PARD3B: variants seen among roughly 807,000 people sequenced by gnomAD.
The protein encoded by PARD3B is partitioning defective 3 homolog B.
In PARD3B, 103 loss-of-function variants were observed where a neutral mutation model predicts 130.2. The ratio of observed to expected loss-of-function variants is 0.79; its 90% CI spans 0.67 to 0.93. The LOEUF (loss-of-function observed/expected upper bound fraction) is 0.93, where lower values mean the gene tolerates loss of function less well. Ranked by LOEUF, PARD3B falls within the 40% of genes least tolerant of loss-of-function variation. PARD3B has a pLI of 0.00. For missense variants in PARD3B, 1,609 were observed against 1,499.2 expected (o/e 1.07, Z -1.21); for synonymous variants, 583 against 553.2 (o/e 1.05, Z -0.76).
rs1265602959 is a variant in PARD3B at position 205,474,964 on chromosome 2, G to GT, written c.3045-24931dup. Among the ~76,000 whole-genome samples the GT allele has an allele frequency of 2.6e-5, 4 of 152,174 alleles. No individual in the cohort carries two copies. In the East Asian group the frequency reaches 7.7e-4, roughly 29 times the overall value. ...TAGAAGTTTTCAGCTCGCCTCAGCC[G>GT]TGAGTCATTACCAGGAGGAATAGTT... On this transcript the variant is annotated intron_variant, in intron 20 of 22. Coordinates refer to ENST00000406610, the MANE Select transcript of PARD3B (RefSeq NM_001302769.2).
chr2:204,661,233 A>G (rs2035797829), intron 1 of PARD3B, among the ~76,000 whole-genome samples: 1 of 152,190 alleles, frequency 6.6e-6, no homozygotes, highest in Non-Finnish European at 1.5e-5. Context: ...GAATGTCCCC[A>G]GGAAGATTAC....
At chr2:204,899,216 C>T (rs1264028592) in intron 2 of PARD3B, among the ~76,000 whole-genome samples, 3 of 123,522 alleles carry the variant, frequency 2.4e-5, no homozygotes, top group Non-Finnish European at 5.2e-5. Flanking sequence ...CCTTCCCTCC[C>T]CTCCTTCCCT....
intron 4 of PARD3B, among the ~76,000 whole-genome samples, chr2:205,097,558 G>T (rs1436326563): frequency 6.6e-6 from 1 of 152,088 alleles, no homozygotes; most frequent in African/African-American, 2.4e-5. Flanking sequence ...TTGAAGTGTG[G>T]CTCCTGGACA....
At chr2:205,479,850 C>T (rs771929621) in intron 20 of PARD3B, among the ~76,000 whole-genome samples, 3 of 151,828 alleles carry the variant, frequency 2.0e-5, no homozygotes, top group Non-Finnish European at 4.4e-5. Flanking sequence ...TCAACCTCAT[C>T]ACTTGCCACT....
chr2:205,371,512 G>A (rs1049023245), intron 18 of PARD3B, among the ~76,000 whole-genome samples: 3 of 152,164 alleles, frequency 2.0e-5, no homozygotes, highest in Admixed American at 6.5e-5. Context: ...ACTAGGAAGT[G>A]GGCATCAGAG....
At chr2:205,330,672 ACAAT>A (rs139386460) in intron 18 of PARD3B, among the ~76,000 whole-genome samples, 4,634 of 152,328 alleles carry the variant, frequency 0.03, 200 homozygotes, top group African/African-American at 0.1. Context: ...TTTATGACAG[ACAAT>A]CAATCAAGAT....
At position 204,972,833 on chromosome 2, in the gene PARD3B, A is replaced by G. The variant is rs191369902; in HGVS notation, c.394+7510A>G. ...GGAATGAAAGGTCACCTTTCCTACC[A>G]TTCACTTGATATTAGACCCCTGGGT... On this transcript the variant is annotated intron_variant, in intron 3 of 22. Coordinates refer to ENST00000406610, the MANE Select transcript of PARD3B (RefSeq NM_001302769.2). Among the ~76,000 whole-genome samples the G allele has an allele frequency of 2.5e-3, 375 of 152,296 alleles. 2 individuals are homozygous for G. The highest frequency in any genetic ancestry group is 8.0e-3 in the African/African-American group (333 of 41,556).
At chr2:204,630,510 G>A (rs1440756338) in intron 1 of PARD3B, among the ~76,000 whole-genome samples, 1 of 152,084 alleles carries the variant, frequency 6.6e-6, no homozygotes, top group African/African-American at 2.4e-5. Context: ...ACAATTGGAT[G>A]TTATTTTATA....
chr2:205,270,338 G>A (rs574815294), intron 16 of PARD3B, among the ~76,000 whole-genome samples: 3 of 152,070 alleles, frequency 2.0e-5, no homozygotes, highest in Non-Finnish European at 4.4e-5. Context: ...GGAGGCCGAG[G>A]CAGGCGGATC....
chr2:205,605,843 C>G (rs2054974838), intron 22 of PARD3B, among the ~76,000 whole-genome samples: 1 of 152,178 alleles, frequency 6.6e-6, no homozygotes, highest in African/African-American at 2.4e-5. Flanking sequence ...GAGCCAGCAG[C>G]AGGAAGACTA....
chr2:205,112,073 A>C (rs73057187), intron 5 of PARD3B, among the ~76,000 whole-genome samples: 29 of 152,190 alleles, frequency 1.9e-4, no homozygotes, highest in African/African-American at 6.7e-4. Context: ...AAATATATAG[A>C]ATCATTTAAT....
chr2:205,510,754 A>G (rs2050558805), intron 21 of PARD3B, among the ~76,000 whole-genome samples: 1 of 152,202 alleles, frequency 6.6e-6, no homozygotes, highest in South Asian at 2.1e-4. Flanking sequence ...GGAGGGTGAG[A>G]TACAAAGAGA....
chr2:205,615,980 G>A lies in PARD3B; in HGVS notation c.*167G>A. On this transcript the variant is annotated 3_prime_UTR_variant, in exon 23 of 23. Coordinates refer to ENST00000406610, the MANE Select transcript of PARD3B (RefSeq NM_001302769.2). The stretch of plus-strand genomic sequence containing the variant: ...ACTGCTAATCAGAGAGAAAAAGAAG[G>A]GGAAGGGAATTGGGGAGGAAAAAAA... 1 of 638,584 alleles carries A rather than the reference G, an allele frequency of 1.6e-6. No individual in the cohort carries two copies. The highest frequency in any genetic ancestry group is 2.6e-6 in the Non-Finnish European group (1 of 387,010). The allele number at this position is 638,584 out of a possible 1,614,324, so 39.6% of individuals were successfully genotyped here. A position where few individuals can be genotyped will look rare whatever the true frequency, so the allele number is the denominator to read the frequency against.
intron 21 of PARD3B, among the ~76,000 whole-genome samples, chr2:205,536,465 C>G (rs1024810388): frequency 6.6e-6 from 1 of 152,116 alleles, no homozygotes; most frequent in Non-Finnish European, 1.5e-5. Context: ...ATGGGTTGTT[C>G]CCCACGGTTG....
chr2:205,409,392 GAC>G (rs1022199544), intron 19 of PARD3B, among the ~76,000 whole-genome samples: 2 of 152,166 alleles, frequency 1.3e-5, no homozygotes, highest in African/African-American at 4.8e-5. Context: ...TAGGGATTTA[GAC>G]ACAGCCCGGG....
intron 2 of PARD3B, among the ~76,000 whole-genome samples, chr2:204,802,245 C>A (rs968211356): frequency 7.2e-5 from 11 of 152,140 alleles, no homozygotes; most frequent in Non-Finnish European, 1.5e-4. Flanking sequence ...AACAAAAGCT[C>A]ATCATCAATG....
intron 10 of PARD3B, among the ~76,000 whole-genome samples, chr2:205,131,289 A>G (rs2031974923): frequency 6.6e-6 from 1 of 152,232 alleles, no homozygotes; most frequent in South Asian, 2.1e-4. Context: ...GAATTTAAAT[A>G]ATTATGCAAA....
At chr2:205,173,715 A>G (rs776320623) in intron 12 of PARD3B, among the ~76,000 whole-genome samples, 55 of 152,220 alleles carry the variant, frequency 3.6e-4, no homozygotes, top group Non-Finnish European at 1.0e-4. Flanking sequence ...ACTTATTTTC[A>G]ACATTTGTGT....
intron 1 of PARD3B, among the ~76,000 whole-genome samples, chr2:204,625,515 C>T (rs2034457198): frequency 6.6e-6 from 1 of 152,202 alleles, no homozygotes; most frequent in Non-Finnish European, 1.5e-5. Context: ...TCTCTTGAAG[C>T]ATTGACAATG....
Sources: gnomAD v4.1 joint callset for allele counts (sites outside exome capture counted in the v4.1 genomes callset) on GRCh38, gnomAD v4.1.1 for gene constraint, MANE v1.5 for transcripts, NCBI Gene and HGNC (gene_info 2026-07-23, HGNC 2026-07-21) for gene names.